SMAD2: variants seen among roughly 807,000 people sequenced by gnomAD.
SMAD2 encodes SMAD family member 2, also known as MAD homolog 2.
Under a neutral mutation model 64.4 loss-of-function variants are expected in SMAD2, and 8 were observed. The observed-to-expected ratio is 0.12, with a 90% confidence interval of 0.07 to 0.22. SMAD2 has a LOEUF of 0.22. Among genes scored for constraint, SMAD2 ranks in the 10% least tolerant of loss-of-function variants. The pLI is 1.00. For synonymous variants in SMAD2, 203 were observed against 195.8 expected, an observed-to-expected ratio of 1.04 and a Z score of -0.31; for missense variants, 289 against 561.2, an observed-to-expected ratio of 0.51 and a Z score of 4.90.
intron 1 of SMAD2, among the ~76,000 whole-genome samples, chr18:47,916,524 C>A (rs1187356740): frequency 6.6e-6 from 1 of 152,068 alleles, no homozygotes. Context: ...TCTGCCTCAG[C>A]CACCTGATTA....
At chr18:47,889,151 C>T (rs1262150930) in intron 2 of SMAD2, among the ~76,000 whole-genome samples, 2 of 152,016 alleles carry the variant, frequency 1.3e-5, no homozygotes, top group Admixed American at 1.3e-4. Context: ...CTGTAAGAGA[C>T]GTTCTGATTT....
chr18:47,887,904 T>C (rs1413908823), intron 2 of SMAD2, among the ~76,000 whole-genome samples: 1 of 152,174 alleles, frequency 6.6e-6, no homozygotes, highest in Non-Finnish European at 1.5e-5. Flanking sequence ...CTTTTCACTA[T>C]GGGGTCCTTC....
At chr18:47,882,541 T>C (rs1396387342) in intron 2 of SMAD2, 1 of 152,242 alleles carries the variant, frequency 6.6e-6, no homozygotes, top group Non-Finnish European at 1.5e-5. Flanking sequence ...CTTGTTGGAA[T>C]AGAACTCAAT....
intron 2 of SMAD2, among the ~76,000 whole-genome samples, chr18:47,873,041 T>A (rs1022527791): frequency 6.6e-6 from 1 of 152,136 alleles, no homozygotes; most frequent in African/African-American, 2.4e-5. Flanking sequence ...TTAACACTTT[T>A]TGTAGAGACA....
intron 1 of SMAD2, among the ~76,000 whole-genome samples, chr18:47,913,292 T>A (rs1258050825): frequency 1.3e-5 from 2 of 152,232 alleles, no homozygotes; most frequent in Non-Finnish European, 1.5e-5. Context: ...AAGTTTTCTA[T>A]AAAACCTTTA....
intron 6 of SMAD2, among the ~76,000 whole-genome samples, chr18:47,853,759 C>T (rs1397707320): frequency 2.1e-4 from 6 of 28,762 alleles, no homozygotes; most frequent in Non-Finnish European, 4.1e-4. Flanking sequence ...GCTGGCAAGT[C>T]ACAAATCTGC....
rs749120865 is a variant in SMAD2 at position 47,824,417 on chromosome 18, C to G, written c.*17410G>C. 5.3e-5 allele frequency: 8 copies of G among 152,208 alleles called. No homozygotes were observed. Among genetic ancestry groups the G allele is most frequent in the Non-Finnish European group, 1.2e-4 (8 of 68,048 alleles). The allele number at this position is 152,208 out of a possible 1,614,324, so 9.4% of individuals were successfully genotyped here. ...AACTGGCAGCATCCTTGTTATTAAT[C>G]CTTGTAGCCAAGAATAATTATTTCA... On this transcript the variant is annotated 3_prime_UTR_variant, in exon 11 of 11. Coordinates refer to ENST00000262160, the MANE Select transcript of SMAD2 (RefSeq NM_005901.6).
rs1344841733 is a variant in SMAD2, at chr18:47,819,925, T to C, written c.*21902A>G. On this transcript the variant is annotated 3_prime_UTR_variant, in exon 11 of 11. Coordinates refer to ENST00000262160, the MANE Select transcript of SMAD2 (RefSeq NM_005901.6). Reference sequence around the variant, plus strand: ...AACGGAGGCAGGAGGATTGTGTGAGTTGGAGTTTGAGGCTGCAGTGTGCTA... The same window carrying C: ...AACGGAGGCAGGAGGATTGTGTGAGCTGGAGTTTGAGGCTGCAGTGTGCTA... The C allele has an allele frequency of 6.6e-6, 1 of 152,130 alleles. No homozygotes were observed. Among genetic ancestry groups the C allele is most frequent in the African/African-American group, 2.4e-5 (1 of 41,368 alleles). 9.4% of individuals were successfully genotyped at this position (152,130 alleles called of 1,614,324 possible). A position where few individuals can be genotyped will look rare whatever the true frequency, so the allele number is the denominator to read the frequency against.
At chr18:47,894,860 C>G (rs536860841) in intron 2 of SMAD2, among the ~76,000 whole-genome samples, 1 of 152,310 alleles carries the variant, frequency 6.6e-6, no homozygotes, top group East Asian at 1.9e-4. Context: ...CCAAGCACTA[C>G]ACAATGAAGA....
At chr18:47,930,700 C>A (rs1041633857), upstream of SMAD2, 2 of 148,834 alleles carry the variant, frequency 1.3e-5, no homozygotes, top group East Asian at 2.0e-4. Context: ...GCGCCCGCAG[C>A]CCTACCGGCC....
At chr18:47,907,861 G>A (rs1025102733) in intron 1 of SMAD2, among the ~76,000 whole-genome samples, 2 of 152,194 alleles carry the variant, frequency 1.3e-5, no homozygotes, top group African/African-American at 2.4e-5. Context: ...CTAGAGCCCA[G>A]GAGGCAGAGG....
At chr18:47,856,854 A>ATTTTTTTT (rs758202544) in intron 6 of SMAD2, among the ~76,000 whole-genome samples, 1 of 123,284 alleles carries the variant, frequency 8.1e-6, no homozygotes, top group Non-Finnish European at 1.7e-5. Flanking sequence ...AACTATGCTA[A>ATTTTTTTT]TTTTTTTTTT....
chr18:47,858,150 T>C (rs929178378), intron 6 of SMAD2, among the ~76,000 whole-genome samples: 3 of 151,494 alleles, frequency 2.0e-5, no homozygotes, highest in Non-Finnish European at 2.9e-5. Flanking sequence ...TATTCAAAGA[T>C]GGAGGGGGAA....
chr18:47,872,586 C>T (rs1205182332), intron 2 of SMAD2, among the ~76,000 whole-genome samples: 1 of 152,138 alleles, frequency 6.6e-6, no homozygotes, highest in Admixed American at 6.5e-5. Flanking sequence ...AACCAGGACA[C>T]ACAGCAGAAG....
chr18:47,896,425 C>T (rs1450294324), intron 2 of SMAD2, 96 bp downstream of exon 2: 1 of 1,283,642 alleles, frequency 7.8e-7, no homozygotes, highest in South Asian at 1.2e-5. Flanking sequence ...TCAATCATCA[C>T]TTTTTACAGG....
intron 2 of SMAD2, among the ~76,000 whole-genome samples, chr18:47,896,182 TAAAGGAGGAG>T (rs1415561118): frequency 6.6e-6 from 1 of 152,196 alleles, no homozygotes; most frequent in East Asian, 1.9e-4. Flanking sequence ...AAGTTTTGAC[TAAAGGAGGAG>T]AAAACTGTAG....
chr18:47,825,143 G>C lies in SMAD2; in HGVS notation c.*16684C>G, dbSNP rs1463823382. ...CAAAAGTTGTTGTGGGACCATTCAA[G>C]ATGAGCGTGGGGAAGGGAAGCCCAT... is the stretch of plus-strand genomic sequence containing the variant. On this transcript the variant is annotated 3_prime_UTR_variant, in exon 11 of 11. Coordinates refer to ENST00000262160, the MANE Select transcript of SMAD2 (RefSeq NM_005901.6). The C allele has an allele frequency of 6.6e-6, 1 of 152,226 alleles. No individual in the cohort carries two copies. Among genetic ancestry groups the C allele is most frequent in the African/African-American group, 2.4e-5 (1 of 41,448 alleles). The allele number at this position is 152,226 out of a possible 1,614,324, so 9.4% of individuals were successfully genotyped here. A position where few individuals can be genotyped will look rare whatever the true frequency, so the allele number is the denominator to read the frequency against.
chr18:47,921,651 T>C (rs1485529747), intron 1 of SMAD2, among the ~76,000 whole-genome samples: 1 of 152,168 alleles, frequency 6.6e-6, no homozygotes, highest in Non-Finnish European at 1.5e-5. Context: ...CATTTTTTAA[T>C]TTTTTTAAGC....
Position 47,835,291 on chromosome 18 carries a change from G to A in SMAD2, c.*6536C>T, listed in dbSNP as rs1048079077. 4.7e-6 allele frequency: 1 copy of A among 210,768 alleles called. No individual in the cohort carries two copies. Among genetic ancestry groups the A allele is most frequent in the Non-Finnish European group, 9.6e-6 (1 of 103,708 alleles). The allele number at this position is 210,768 out of a possible 1,614,324, so 13.1% of individuals were successfully genotyped here. On this transcript the variant is annotated 3_prime_UTR_variant, in exon 11 of 11. Coordinates refer to ENST00000262160, the MANE Select transcript of SMAD2 (RefSeq NM_005901.6). The stretch of plus-strand genomic sequence containing the variant: ...GTTTTTAAAAAAATTCAAAACTCAT[G>A]CATGTTACCTACTTGTCATGTGTGA...
Sources: gnomAD v4.1 joint callset for allele counts (sites outside exome capture counted in the v4.1 genomes callset) on GRCh38, gnomAD v4.1.1 for gene constraint, MANE v1.5 for transcripts, NCBI Gene and HGNC (gene_info 2026-07-23, HGNC 2026-07-21) for gene names.